Variants in MAPDA observed in about 807,000 individuals in gnomAD.
The protein encoded by MAPDA is N6,N6-dimethyl-AMP deaminase.
the MAPDA span, among the ~76,000 whole-genome samples, chr15:43,331,185 G>A: frequency 6.6e-6 from 1 of 152,150 alleles, no homozygotes; most frequent in Non-Finnish European, 1.5e-5. Context: ...TTAGACTGAC[G>A]GTGAATAAAC....
the MAPDA span, among the ~76,000 whole-genome samples, chr15:43,344,414 GTAAA>G: frequency 3.3e-5 from 5 of 152,130 alleles, no homozygotes; most frequent in African/African-American, 7.2e-5. Flanking sequence ...TCTAAATTTT[GTAAA>G]TAAATAAATG....
At chr15:43,351,859 A>T in the MAPDA span, 1 of 1,551,720 alleles carries the variant, frequency 6.4e-7, no homozygotes, top group Non-Finnish European at 8.7e-7. Context: ...TTATGAATCC[A>T]TCAACTACAT....
the MAPDA span, chr15:43,334,942 T>C: frequency 2.0e-6 from 1 of 506,944 alleles, no homozygotes; most frequent in Non-Finnish European, 3.4e-6. Flanking sequence ...TTTGTTAAAA[T>C]AGGTGAAGCT....
the MAPDA span, among the ~76,000 whole-genome samples, chr15:43,334,179 C>G: frequency 1.3e-5 from 2 of 151,284 alleles, no homozygotes; most frequent in Non-Finnish European, 2.9e-5. Context: ...ATTTTTAATC[C>G]CATTTTTGTA....
the MAPDA span, chr15:43,330,405 C>A: frequency 6.3e-7 from 1 of 1,576,802 alleles, no homozygotes; most frequent in Non-Finnish European, 8.6e-7. Context: ...TACCCGCGCG[C>A]GGCCAGGGAA....
At chr15:43,348,555 A>G in the MAPDA span, among the ~76,000 whole-genome samples, 15 of 152,192 alleles carry the variant, frequency 9.9e-5, no homozygotes, top group African/African-American at 3.6e-4. Flanking sequence ...ACACATATAC[A>G]TATGGAGTTG....
chr15:43,335,211 A>T, the MAPDA span: 2 of 1,597,726 alleles, frequency 1.3e-6, no homozygotes, highest in African/African-American at 2.7e-5. Flanking sequence ...GTTGCTAATT[A>T]TAATGACTTT....
At chr15:43,330,438 C>T in the MAPDA span, 3 of 1,553,888 alleles carry the variant, frequency 1.9e-6, no homozygotes, top group African/African-American at 4.2e-5. Context: ...GCGCTGCTGT[C>T]GTTGGTGTTC....
chr15:43,345,669 T>A, the MAPDA span, among the ~76,000 whole-genome samples: 26,229 of 152,160 alleles, frequency 0.17, 2,447 homozygotes, highest in Middle Eastern at 0.27. Context: ...CTTGATGCTA[T>A]TTAGGAATTC....
chr15:43,331,029 C>T, the MAPDA span, among the ~76,000 whole-genome samples: 1 of 152,168 alleles, frequency 6.6e-6, no homozygotes, highest in African/African-American at 2.4e-5. Flanking sequence ...CAAAAGAGAA[C>T]CCCATTTAAA....
At chr15:43,350,169 C>T in the MAPDA span, among the ~76,000 whole-genome samples, 1 of 151,862 alleles carries the variant, frequency 6.6e-6, no homozygotes, top group Admixed American at 6.6e-5. Context: ...GGGTTCACGA[C>T]ATTCTCCTTC....
chr15:43,349,760 A>T, the MAPDA span, among the ~76,000 whole-genome samples: 1 of 152,230 alleles, frequency 6.6e-6, no homozygotes, highest in Non-Finnish European at 1.5e-5. Flanking sequence ...TGCTTGTGTG[A>T]GTATGTTTTA....
the MAPDA span, among the ~76,000 whole-genome samples, chr15:43,342,654 G>A: frequency 6.6e-6 from 1 of 151,604 alleles, no homozygotes; most frequent in Non-Finnish European, 1.5e-5. Flanking sequence ...GGAGGCTGAG[G>A]TGGCAGGATG....
At chr15:43,350,323 C>T in the MAPDA span, among the ~76,000 whole-genome samples, 2 of 151,738 alleles carry the variant, frequency 1.3e-5, no homozygotes, top group African/African-American at 4.8e-5. Flanking sequence ...CATCATCCAC[C>T]CACCTTGGCC....
chr15:43,339,451 A>G, the MAPDA span, among the ~76,000 whole-genome samples: 1 of 152,206 alleles, frequency 6.6e-6, no homozygotes, highest in Admixed American at 6.5e-5. Flanking sequence ...ACTGTTAGGC[A>G]CTGTATGTAT....
the MAPDA span, chr15:43,333,468 T>G: frequency 6.6e-6 from 1 of 152,086 alleles, no homozygotes; most frequent in Non-Finnish European, 1.5e-5. Context: ...ATCATTTATG[T>G]TTTTCGGTAG....
At chr15:43,343,215 G>T in the MAPDA span, 1 of 556,190 alleles carries the variant, frequency 1.8e-6, no homozygotes, top group Non-Finnish European at 3.0e-6. Context: ...CAAGGACCCT[G>T]TTGTTTAAAG....
At chr15:43,333,311 G>A in the MAPDA span, 1 of 151,920 alleles carries the variant, frequency 6.6e-6, no homozygotes, top group Non-Finnish European at 1.5e-5. Context: ...TGCTGCTTAG[G>A]AGGCTGAAGT....
At chr15:43,339,967 A>G in the MAPDA span, among the ~76,000 whole-genome samples, 6 of 152,224 alleles carry the variant, frequency 3.9e-5, no homozygotes, top group African/African-American at 1.2e-4. Context: ...TCAATCTGCT[A>G]TTATAAATAC....
Sources: allele counts gnomAD v4.1 joint callset (sites outside exome capture counted in the v4.1 genomes callset), GRCh38; gene constraint gnomAD v4.1.1; transcripts MANE v1.5; gene names NCBI Gene and HGNC (gene_info 2026-07-23, HGNC 2026-07-21).